The following CNTN5 variants were observed in gnomAD, a reference collection of about 807,000 sequenced individuals.
CNTN5 encodes contactin-5.
CNTN5 carries 77 observed loss-of-function variants against 129.1 expected under a neutral mutation model. That is an observed-to-expected ratio of 0.60 (90% CI 0.50 to 0.72). The LOEUF (loss-of-function observed/expected upper bound fraction) is 0.72, where lower values mean the gene tolerates loss of function less well. Among genes scored for constraint, CNTN5 ranks in the 30% least tolerant of loss-of-function variants. The pLI is 0.00. For missense variants in CNTN5, 1,478 were observed against 1,328.8 expected, an observed-to-expected ratio of 1.11 and a Z score of -1.75; for synonymous variants, 509 against 465.6, an observed-to-expected ratio of 1.09 and a Z score of -1.20.
chr11:99,850,488 TTG>T (rs753935913), intron 6 of CNTN5, among the ~76,000 whole-genome samples: 2 of 152,160 alleles, frequency 1.3e-5, no homozygotes, highest in Non-Finnish European at 2.9e-5. Context: ...GCAAATTAAA[TTG>T]TTTTTAAAGT....
At chr11:99,267,246 T>C (rs1307574042) in intron 1 of CNTN5, among the ~76,000 whole-genome samples, 1 of 152,018 alleles carries the variant, frequency 6.6e-6, no homozygotes, top group Non-Finnish European at 1.5e-5. Flanking sequence ...TCATAGAAAA[T>C]GCAAACTTCC....
At chr11:99,736,096 G>A (rs773848522) in intron 3 of CNTN5, among the ~76,000 whole-genome samples, 8 of 150,980 alleles carry the variant, frequency 5.3e-5, no homozygotes, top group South Asian at 2.1e-4. Context: ...CTGAAATTAC[G>A]AGATTGGTAG....
intron 12 of CNTN5, among the ~76,000 whole-genome samples, chr11:100,073,752 T>C (rs1007613098): frequency 1.3e-4 from 20 of 152,146 alleles, no homozygotes; most frequent in African/African-American, 4.6e-4. Context: ...AGATGGGAAA[T>C]GGAAGACACA....
At chr11:100,286,943 G>A (rs1950809260) in intron 18 of CNTN5, among the ~76,000 whole-genome samples, 2 of 152,116 alleles carry the variant, frequency 1.3e-5, no homozygotes. Flanking sequence ...CAAAGCTCGA[G>A]AACTACGTGA....
intron 1 of CNTN5, among the ~76,000 whole-genome samples, chr11:99,264,445 A>G (rs1463791820): frequency 6.6e-6 from 1 of 152,060 alleles, no homozygotes; most frequent in Non-Finnish European, 1.5e-5. Flanking sequence ...AAGTCTTACC[A>G]TCCTCGGATT....
intron 1 of CNTN5, among the ~76,000 whole-genome samples, chr11:99,283,301 C>T (rs1173221412): frequency 6.6e-6 from 1 of 152,004 alleles, no homozygotes; most frequent in African/African-American, 2.4e-5. Context: ...AAAATTTTAG[C>T]TAAAAATTTA....
intron 18 of CNTN5, among the ~76,000 whole-genome samples, chr11:100,284,199 C>A (rs1361941647): frequency 6.6e-6 from 1 of 152,126 alleles, no homozygotes; most frequent in African/African-American, 2.4e-5. Context: ...CATCTTTCAG[C>A]AATATGAAGT....
At chr11:100,307,894 C>A (rs995058318) in intron 20 of CNTN5, among the ~76,000 whole-genome samples, 2 of 151,620 alleles carry the variant, frequency 1.3e-5, no homozygotes, top group African/African-American at 2.4e-5. Flanking sequence ...GAGATAAATA[C>A]TCTCATTATA....
intron 3 of CNTN5, among the ~76,000 whole-genome samples, chr11:99,765,406 C>G (rs1243099104): frequency 6.6e-6 from 1 of 151,518 alleles, no homozygotes; most frequent in Non-Finnish European, 1.5e-5. Flanking sequence ...GATTTAGTCA[C>G]TGGGGAACAT....
chr11:99,583,533 C>A (rs752374605), intron 3 of CNTN5, among the ~76,000 whole-genome samples: 1 of 152,204 alleles, frequency 6.6e-6, no homozygotes, highest in Non-Finnish European at 1.5e-5. Flanking sequence ...GGTGGGTGCC[C>A]CTCCCCCAGC....
At chr11:99,079,808 C>T (rs1865719179) in intron 1 of CNTN5, among the ~76,000 whole-genome samples, 1 of 152,212 alleles carries the variant, frequency 6.6e-6, no homozygotes, top group South Asian at 2.1e-4. Context: ...AACTCCAACT[C>T]ATTGTTTAAG....
intron 1 of CNTN5, among the ~76,000 whole-genome samples, chr11:99,154,957 A>T (rs1860260747): frequency 6.6e-6 from 1 of 152,154 alleles, no homozygotes; most frequent in Non-Finnish European, 1.5e-5. Flanking sequence ...GTCCTGCTCC[A>T]CGTCCAGACA....
chr11:99,937,818 G>A (rs568643914), intron 7 of CNTN5, among the ~76,000 whole-genome samples: 1 of 152,276 alleles, frequency 6.6e-6, no homozygotes, highest in South Asian at 2.1e-4. Flanking sequence ...AAATGTTACA[G>A]TGCTTCAGCC....
At chr11:99,595,428 C>G (rs1198331835) in intron 3 of CNTN5, among the ~76,000 whole-genome samples, 1 of 152,054 alleles carries the variant, frequency 6.6e-6, no homozygotes, top group Non-Finnish European at 1.5e-5. Flanking sequence ...ATAACTCAGT[C>G]TTTGTTTTAA....
chr11:99,814,345 G>A (rs937037520), intron 3 of CNTN5, among the ~76,000 whole-genome samples: 3 of 152,152 alleles, frequency 2.0e-5, no homozygotes, highest in Non-Finnish European at 4.4e-5. Flanking sequence ...GCACCATCAA[G>A]AAGGTCAGAA....
intron 6 of CNTN5, among the ~76,000 whole-genome samples, chr11:99,857,155 T>C (rs1213852472): frequency 1.3e-5 from 2 of 151,630 alleles, no homozygotes; most frequent in Non-Finnish European, 2.9e-5. Flanking sequence ...TCTGGTGACA[T>C]TTCATTACAA....
chr11:99,770,285 T>A (rs541565339), intron 3 of CNTN5, among the ~76,000 whole-genome samples: 1 of 152,232 alleles, frequency 6.6e-6, no homozygotes, highest in East Asian at 1.9e-4. Context: ...AAGTCAAAAC[T>A]ATACAAAGGT....
chr11:100,091,773 G>A (rs1183279511), intron 13 of CNTN5, among the ~76,000 whole-genome samples: 1 of 151,842 alleles, frequency 6.6e-6, no homozygotes, highest in African/African-American at 2.4e-5. Flanking sequence ...TTGAATCAGG[G>A]GGCTTGTTTG....
chr11:100,191,503 G>A (rs2138505431), intron 14 of CNTN5, among the ~76,000 whole-genome samples: 1 of 152,118 alleles, frequency 6.6e-6, no homozygotes, highest in South Asian at 2.1e-4. Context: ...AGAGAATGAG[G>A]CAAGCTTTCT....
Sources: gnomAD v4.1 joint callset for allele counts (sites outside exome capture counted in the v4.1 genomes callset) on GRCh38, gnomAD v4.1.1 for gene constraint, MANE v1.5 for transcripts, NCBI Gene and HGNC (gene_info 2026-07-23, HGNC 2026-07-21) for gene names.